The following MYRIP variants were observed in gnomAD, a reference collection of about 807,000 sequenced individuals.
MYRIP encodes the protein rab effector MyRIP.
In MYRIP, 49 loss-of-function variants were observed where a neutral mutation model predicts 98.0. The observed-to-expected ratio is 0.50, with a 90% confidence interval of 0.40 to 0.63. The LOEUF is 0.63. Ranked by LOEUF, MYRIP falls within the 30% of genes least tolerant of loss-of-function variation. The pLI is 0.00. For synonymous variants in MYRIP, 404 were observed against 409.5 expected (o/e 0.99, Z 0.16); for missense variants, 1,004 against 1,058.2 (o/e 0.95, Z 0.71).
chr3:40,180,634 G>A (rs745685722), intron 8 of MYRIP, among the ~76,000 whole-genome samples: 9 of 152,184 alleles, frequency 5.9e-5, no homozygotes, highest in Non-Finnish European at 1.0e-4. Context: ...TCTGGGTTGC[G>A]TTAACCTATG....
At chr3:40,171,694 A>G (rs981261682) in intron 8 of MYRIP, among the ~76,000 whole-genome samples, 3 of 152,242 alleles carry the variant, frequency 2.0e-5, no homozygotes, top group Non-Finnish European at 4.4e-5. Flanking sequence ...TCGTGTCTGT[A>G]AAGTGGAAAT....
intron 1 of MYRIP, among the ~76,000 whole-genome samples, chr3:39,873,232 A>C (rs934083829): frequency 1.3e-5 from 2 of 151,820 alleles, no homozygotes; most frequent in African/African-American, 4.8e-5. Context: ...TAGATTCTGG[A>C]TATTAGCCCT....
intron 11 of MYRIP, among the ~76,000 whole-genome samples, chr3:40,212,944 G>A (rs1482839824): frequency 6.6e-6 from 1 of 151,942 alleles, no homozygotes; most frequent in African/African-American, 2.4e-5. Flanking sequence ...TAAATAAAAG[G>A]AAAAAGAAAA....
At chr3:39,871,172 T>C (rs918778486) in intron 1 of MYRIP, among the ~76,000 whole-genome samples, 4 of 152,194 alleles carry the variant, frequency 2.6e-5, no homozygotes, top group African/African-American at 9.7e-5. Flanking sequence ...GAGAGGCAGA[T>C]TGTATTTAGA....
intron 3 of MYRIP, among the ~76,000 whole-genome samples, chr3:40,140,262 G>A (rs190910907): frequency 3.3e-5 from 5 of 152,264 alleles, no homozygotes; most frequent in Admixed American, 2.0e-4. Context: ...AGCAACATAC[G>A]AGAGATCCAG....
At chr3:39,854,545 GTACTGTT>G (rs918695388) in intron 1 of MYRIP, among the ~76,000 whole-genome samples, 6 of 151,918 alleles carry the variant, frequency 3.9e-5, no homozygotes, top group African/African-American at 1.5e-4. Context: ...TCCATATCCT[GTACTGTT>G]TTTTAAAATT....
intron 13 of MYRIP, among the ~76,000 whole-genome samples, chr3:40,249,116 T>TTTGTC (rs1953290767): frequency 6.6e-6 from 1 of 152,154 alleles, no homozygotes; most frequent in Non-Finnish European, 1.5e-5. Context: ...AGAATTCAAA[T>TTTGTC]TTGTCTTGAG....
chr3:39,961,983 A>G (rs184507710), intron 2 of MYRIP, among the ~76,000 whole-genome samples: 7 of 152,252 alleles, frequency 4.6e-5, no homozygotes, highest in Admixed American at 3.3e-4. Context: ...TTTCATGAAC[A>G]AAAGATGAAT....
In MYRIP at chr3:39,962,448, G is replaced by A. The variant is rs568728046; in HGVS notation, c.110+61522G>A. ...AGCACTAATGGCTACATGGTCTCTG[G>A]GCTAGTTTTTTTTTTTTTTCCACTT... On this transcript the variant is annotated intron_variant, in intron 2 of 16. Coordinates refer to ENST00000302541, the MANE Select transcript of MYRIP (RefSeq NM_015460.4). Among the ~76,000 whole-genome samples, 10 of 122,496 alleles carry A rather than the reference G, an allele frequency of 8.2e-5. No homozygotes were observed. In the East Asian group the frequency reaches 2.4e-3, roughly 29 times the overall value. 80.4% of individuals were successfully genotyped at this position (122,496 alleles called of 152,430 possible).
Position 40,166,962 on chromosome 3 carries a change from C to T in MYRIP, c.648+19C>T. 6.3e-7 allele frequency: 1 copy of T among 1,587,440 alleles called. No homozygotes were observed. Among genetic ancestry groups the T allele is most frequent in the East Asian group, 2.2e-5 (1 of 44,712 alleles). ...CAGCCTGGTAGGGCCCCTCCTGCTC[C>T]TCTCTGTGGGGGGAGGTGTGGGTTG... On this transcript the variant is annotated intron_variant, in intron 6 of 16. Coordinates refer to ENST00000302541, the MANE Select transcript of MYRIP (RefSeq NM_015460.4).
At chr3:40,247,941 C>A (rs575045675) in intron 13 of MYRIP, among the ~76,000 whole-genome samples, 14 of 152,230 alleles carry the variant, frequency 9.2e-5, no homozygotes, top group Middle Eastern at 3.2e-3. Context: ...AGGTTGTTGA[C>A]CCTGCCTTCA....
chr3:40,110,659 G>C (rs1380868246), intron 3 of MYRIP, among the ~76,000 whole-genome samples: 2 of 152,112 alleles, frequency 1.3e-5, no homozygotes, highest in Non-Finnish European at 2.9e-5. Context: ...TGTGTCCTCT[G>C]ACCCCTTTCA....
intron 16 of MYRIP, among the ~76,000 whole-genome samples, chr3:40,252,307 G>A (rs1414779451): frequency 6.6e-6 from 1 of 152,086 alleles, no homozygotes; most frequent in African/African-American, 2.4e-5. Context: ...CATGGTAAGT[G>A]TACTGGAAAT....
chr3:39,913,006 C>T (rs1372939117), intron 2 of MYRIP, among the ~76,000 whole-genome samples: 1 of 151,926 alleles, frequency 6.6e-6, no homozygotes, highest in Non-Finnish European at 1.5e-5. Flanking sequence ...CACCACTGCA[C>T]TCCAGCCTGG....
chr3:40,030,901 T>G (rs1048128463), intron 2 of MYRIP, among the ~76,000 whole-genome samples: 1 of 152,128 alleles, frequency 6.6e-6, no homozygotes, highest in Non-Finnish European at 1.5e-5. Flanking sequence ...TAGTGGTGGT[T>G]GCACAACTTT....
chr3:39,838,483 T>C (rs374543872), intron 1 of MYRIP, among the ~76,000 whole-genome samples: 1 of 152,204 alleles, frequency 6.6e-6, no homozygotes, highest in African/African-American at 2.4e-5. Context: ...GTTCTTGTCA[T>C]TGGTTTTGTT....
chr3:39,973,130 C>T (rs1945640597), intron 2 of MYRIP, among the ~76,000 whole-genome samples: 1 of 152,002 alleles, frequency 6.6e-6, no homozygotes, highest in Non-Finnish European at 1.5e-5. Flanking sequence ...AGTCAAGACC[C>T]ATCAGGGTGC....
chr3:39,967,528 G>A (rs7616242), intron 2 of MYRIP, among the ~76,000 whole-genome samples: 44,763 of 152,072 alleles, frequency 0.29, 6,987 homozygotes, highest in Non-Finnish European at 0.35. Context: ...GCTATTGTGA[G>A]TAATGCTGCA....
chr3:39,957,579 A>G (rs1945200937), intron 2 of MYRIP, among the ~76,000 whole-genome samples: 1 of 152,182 alleles, frequency 6.6e-6, no homozygotes, highest in South Asian at 2.1e-4. Context: ...ATCATACTGA[A>G]AGGGCAAAAA....
Sources: allele counts gnomAD v4.1 joint callset (sites outside exome capture counted in the v4.1 genomes callset), GRCh38; gene constraint gnomAD v4.1.1; transcripts MANE v1.5; gene names NCBI Gene and HGNC (gene_info 2026-07-23, HGNC 2026-07-21).